The following ITPR1 variants were observed in gnomAD, a reference collection of about 807,000 sequenced individuals.
ITPR1 encodes the protein inositol 1,4,5-trisphosphate-gated calcium channel ITPR1.
ITPR1 carries 96 observed loss-of-function variants against 318.4 expected under a neutral mutation model. That is an observed-to-expected ratio of 0.30 (90% CI 0.26 to 0.36). The LOEUF is 0.36. ITPR1 is among the 10% of genes least tolerant of loss of function. The pLI, the probability that ITPR1 is intolerant of heterozygous loss-of-function variation, is 1.00. For missense variants in ITPR1, 2,440 were observed against 3,460.2 expected (o/e 0.71, Z 7.40); for synonymous variants, 1,312 against 1,289.9 (o/e 1.02, Z -0.37).
chr3:4,809,737 C>A (rs542915093), intron 55 of ITPR1, among the ~76,000 whole-genome samples: 1 of 152,120 alleles, frequency 6.6e-6, no homozygotes, highest in South Asian at 2.1e-4. Context: ...GAAAAAATCG[C>A]TTGTCATTTC....
chr3:4,688,378 A>C (rs1416915915), intron 30 of ITPR1, 117 bp from the exon 31 acceptor site: 8 of 1,251,590 alleles, frequency 6.4e-6, no homozygotes, highest in Non-Finnish European at 9.0e-6. Flanking sequence ...ATATTTACCC[A>C]CAACAGGTCC....
chr3:4,667,299 T>G, intron 17 of ITPR1, 78 bp from the exon 18 acceptor site: 1 of 1,128,552 alleles, frequency 8.9e-7, no homozygotes, highest in Non-Finnish European at 1.3e-6. Context: ...CAGGAAACAT[T>G]GCTGCTTTCT....
At chr3:4,500,833 A>G (rs1017585038) in intron 2 of ITPR1, among the ~76,000 whole-genome samples, 4 of 152,210 alleles carry the variant, frequency 2.6e-5, no homozygotes, top group Non-Finnish European at 1.5e-5. Context: ...TGTTAAATCA[A>G]TTTAGTGGGC....
Position 4,688,562 on chromosome 3 carries a change from G to C in ITPR1, c.3770G>C (p.Gly1257Ala). ...AHEFLQNFCA[G>A]NQQNQALLHK... ...GAATTTTTGCAGAATTTCTGCGCAG[G>C]CAACCAGCAGAATCAAGCTTTGCTA... Residue 1257 changes from glycine to alanine, a missense_variant, in exon 31 of 62, where the codon GGC (glycine) becomes GCC (alanine). This residue lies in a region of ITPR1 where 222 missense variants were observed against 318.8 expected (regional missense o/e 0.70). Transcript: ENST00000649015. The C allele has an allele frequency of 6.2e-7, 1 of 1,613,964 alleles. No homozygotes were observed. Among genetic ancestry groups the C allele is most frequent in the East Asian group, 2.2e-5 (1 of 44,890 alleles).
intron 4 of ITPR1, among the ~76,000 whole-genome samples, chr3:4,527,019 T>C (rs924202798): frequency 1.3e-5 from 2 of 152,248 alleles, no homozygotes; most frequent in Non-Finnish European, 2.9e-5. Context: ...ATGCTTTTCA[T>C]GTCCTAATCT....
intron 5 of ITPR1, among the ~76,000 whole-genome samples, chr3:4,636,101 C>G (rs1173570213): frequency 6.6e-6 from 1 of 152,080 alleles, no homozygotes; most frequent in Non-Finnish European, 1.5e-5. Flanking sequence ...CTCACGTGAT[C>G]CGCCCAAAGT....
intron 4 of ITPR1, among the ~76,000 whole-genome samples, chr3:4,568,528 G>A (rs533757569): frequency 9.2e-5 from 14 of 152,300 alleles, no homozygotes; most frequent in Non-Finnish European, 1.5e-4. Flanking sequence ...GGAGCTGTGT[G>A]GGAGGAGGAG....
chr3:4,730,606 C>T (rs966419768), intron 42 of ITPR1, among the ~76,000 whole-genome samples: 5 of 152,022 alleles, frequency 3.3e-5, no homozygotes, highest in African/African-American at 4.8e-5. Flanking sequence ...CTGTTCCTGG[C>T]GTCCACGTGC....
intron 6 of ITPR1, among the ~76,000 whole-genome samples, chr3:4,641,580 C>T (rs1053420451): frequency 6.6e-6 from 1 of 152,154 alleles, no homozygotes; most frequent in Non-Finnish European, 1.5e-5. Flanking sequence ...CTCCCTGTGT[C>T]GCCCAGGCTT....
At chr3:4,795,599 C>G (rs973822729) in intron 53 of ITPR1, among the ~76,000 whole-genome samples, 3 of 152,184 alleles carry the variant, frequency 2.0e-5, no homozygotes, top group African/African-American at 7.2e-5. Flanking sequence ...CACCGCACTT[C>G]TGGAATTGAT....
chr3:4,588,341 CTT>C (rs544442679), intron 4 of ITPR1, among the ~76,000 whole-genome samples: 3 of 145,368 alleles, frequency 2.1e-5, no homozygotes, highest in Non-Finnish European at 3.0e-5. Flanking sequence ...ATACCTGTTT[CTT>C]TTTTTTTTTT....
In ITPR1 at chr3:4,688,676, A is replaced by C. The variant is rs184491058; in HGVS notation, c.3828+56A>C. 2.6e-6 allele frequency: 4 copies of C among 1,556,702 alleles called. No homozygotes were observed. The Admixed American group carries it at 5.2e-5, about 20-fold the overall frequency. On this transcript the variant is annotated intron_variant, in intron 31 of 61. Coordinates refer to ENST00000649015, the MANE Select transcript of ITPR1 (RefSeq NM_001378452.1). ...AGAGGGAGGAGGGCAGGGAAGAGGG[A>C]GGAGGAACAGCTTGTTCTTTGGCTG... is the stretch of plus-strand genomic sequence containing the variant.
At chr3:4,530,537 A>T (rs1282571008) in intron 4 of ITPR1, among the ~76,000 whole-genome samples, 1 of 152,204 alleles carries the variant, frequency 6.6e-6, no homozygotes, top group African/African-American at 2.4e-5. Flanking sequence ...CAATCCCAGA[A>T]CTTTGAGAGG....
At chr3:4,593,673 G>T (rs1044485736) in intron 4 of ITPR1, among the ~76,000 whole-genome samples, 1 of 152,190 alleles carries the variant, frequency 6.6e-6, no homozygotes, top group Non-Finnish European at 1.5e-5. Flanking sequence ...TGCTATAAAA[G>T]ATAAAAGGCA....
At chr3:4,712,649 A>G (rs1380662118) in intron 39 of ITPR1, among the ~76,000 whole-genome samples, 1 of 152,236 alleles carries the variant, frequency 6.6e-6, no homozygotes, top group South Asian at 2.1e-4. Flanking sequence ...TTTCAGCTCT[A>G]GGAAGAAGCC....
chr3:4,771,510 G>A (rs141352574), intron 46 of ITPR1, among the ~76,000 whole-genome samples: 10 of 152,280 alleles, frequency 6.6e-5, no homozygotes, highest in African/African-American at 9.6e-5. Flanking sequence ...CTGTGAAAGC[G>A]GAGTAAGGCT....
At chr3:4,672,450 G>A (rs77787548) in intron 20 of ITPR1, among the ~76,000 whole-genome samples, 1,538 of 152,270 alleles carry the variant, frequency 0.01, 29 homozygotes, top group African/African-American at 0.034. Flanking sequence ...AATTCAGAAG[G>A]CAGTATTTTG....
intron 37 of ITPR1, among the ~76,000 whole-genome samples, chr3:4,709,451 G>A (rs1328052885): frequency 6.6e-6 from 1 of 152,222 alleles, no homozygotes; most frequent in Non-Finnish European, 1.5e-5. Flanking sequence ...AATTTAAGCA[G>A]CTTTTCCCAT....
chr3:4,644,267 T>A (rs1206803987), intron 8 of ITPR1, 33 bp downstream of exon 8: 2 of 1,470,714 alleles, frequency 1.4e-6, no homozygotes, highest in African/African-American at 1.4e-5. Flanking sequence ...GTGGGTGTGG[T>A]TATCCTGCAG....
Sources: gnomAD v4.1 joint callset for allele counts (sites outside exome capture counted in the v4.1 genomes callset) on GRCh38, gnomAD v4.1.1 for gene constraint, gnomAD v4.1.1 regional missense constraint, MANE v1.5 for transcripts, NCBI Gene and HGNC (gene_info 2026-07-23, HGNC 2026-07-21) for gene names.